EHBP1: variants seen among roughly 807,000 people sequenced by gnomAD.
EHBP1 encodes the protein EH domain-binding protein 1.
In EHBP1, 55 loss-of-function variants were observed where a neutral mutation model predicts 144.0. The ratio of observed to expected loss-of-function variants is 0.38; its 90% CI spans 0.31 to 0.48. The LOEUF (loss-of-function observed/expected upper bound fraction) is 0.48. Ranked by LOEUF, EHBP1 falls within the 20% of genes least tolerant of loss-of-function variation. The pLI, the probability that EHBP1 is intolerant of heterozygous loss-of-function variation, is 0.98. For missense variants in EHBP1, 1,200 were observed against 1,364.2 expected (o/e 0.88, Z 1.90); for synonymous variants, 469 against 472.7 (o/e 0.99, Z 0.10).
chr2:62,777,189 T>G (rs1573293653), intron 5 of EHBP1, among the ~76,000 whole-genome samples: 1 of 152,128 alleles, frequency 6.6e-6, no homozygotes, highest in East Asian at 1.9e-4. Flanking sequence ...CTAGGCTGTT[T>G]TGAACCGCTG....
At chr2:62,754,033 C>T (rs959300078) in intron 3 of EHBP1, among the ~76,000 whole-genome samples, 5 of 152,274 alleles carry the variant, frequency 3.3e-5, no homozygotes, top group South Asian at 2.1e-4. Context: ...TCGTTGCTGG[C>T]GAGGAGCTCC....
At chr2:62,967,028 C>G (rs1282701479) in intron 14 of EHBP1, among the ~76,000 whole-genome samples, 2 of 152,186 alleles carry the variant, frequency 1.3e-5, no homozygotes, top group African/African-American at 4.8e-5. Context: ...TCAGTAAGCA[C>G]ATGCAGAATC....
chr2:62,748,962 C>T (rs1011530104), intron 3 of EHBP1, among the ~76,000 whole-genome samples: 1 of 151,992 alleles, frequency 6.6e-6, no homozygotes, highest in Non-Finnish European at 1.5e-5. Flanking sequence ...TGTAAAGATA[C>T]AGACTGTTTT....
chr2:62,815,011 A>G (rs1311001076), intron 5 of EHBP1, among the ~76,000 whole-genome samples: 1 of 152,240 alleles, frequency 6.6e-6, no homozygotes, highest in African/African-American at 2.4e-5. Context: ...AATGGCACTT[A>G]TAGAAGCAAT....
chr2:62,829,408 C>T (rs185134642), intron 6 of EHBP1, among the ~76,000 whole-genome samples: 12 of 151,858 alleles, frequency 7.9e-5, no homozygotes, highest in African/African-American at 2.9e-4. Context: ...TACTCTTAGG[C>T]CTTTGCATCC....
In EHBP1 at chr2:62,948,304, A is replaced by G. The variant is rs1462845561; in HGVS notation, c.1458A>G (p.Glu486=). Reference sequence around the variant, plus strand: ...GCATAGGAATTTCCCGATTATTGGAACCTTCTGATATGGTATTATTAGCAA... The same window carrying G: ...GCATAGGAATTTCCCGATTATTGGAGCCTTCTGATATGGTATTATTAGCAA... ...FASIGISRLL[E]PSDMVLLAIP... is the part of the protein sequence containing the mutation. Residue 486 remains glutamate (E), a synonymous_variant, in exon 13 of 23, where the codon GAA becomes GAG. Coordinates refer to ENST00000431489, the MANE Select transcript of EHBP1 (RefSeq NM_001142616.3). 5 of 1,591,250 alleles carry G rather than the reference A, an allele frequency of 3.1e-6. No homozygotes were observed. Among genetic ancestry groups the G allele is most frequent in the Non-Finnish European group, 4.3e-6 (5 of 1,169,260 alleles).
At chr2:62,942,995 ATTTGT>A in intron 11 of EHBP1, 99 bp downstream of exon 11, 2 of 889,820 alleles carry the variant, frequency 2.2e-6, no homozygotes, top group Non-Finnish European at 3.3e-6. Flanking sequence ...AATAATTTAT[ATTTGT>A]TTTATTACCC....
intron 5 of EHBP1, among the ~76,000 whole-genome samples, chr2:62,812,540 A>G (rs1247858046): frequency 1.3e-5 from 2 of 152,150 alleles, no homozygotes. Context: ...TGTGATTAGG[A>G]TGCCAGTAGA....
Position 62,826,069 on chromosome 2 carries a change from T to C in EHBP1, c.313-18T>C. On this transcript the variant is annotated intron_variant, in intron 5 of 22. Coordinates refer to ENST00000431489, the MANE Select transcript of EHBP1 (RefSeq NM_001142616.3). ...AATAACTCAAAATTACATACTTTTT[T>C]TTTCTTTAATCTTCCAGGAATCCCC... The C allele has an allele frequency of 7.0e-7, 1 of 1,434,320 alleles. No homozygotes were observed. The highest frequency in any genetic ancestry group is 9.2e-7 in the Non-Finnish European group (1 of 1,088,150). The allele number at this position is 1,434,320 out of a possible 1,614,324, so 88.8% of individuals were successfully genotyped here. A position where few individuals can be genotyped will look rare whatever the true frequency, so the allele number is the denominator to read the frequency against.
intron 3 of EHBP1, among the ~76,000 whole-genome samples, chr2:62,749,334 C>T (rs2039455806): frequency 6.6e-6 from 1 of 152,214 alleles, no homozygotes; most frequent in South Asian, 2.1e-4. Context: ...TTTATGGCCG[C>T]ATAGTATTCC....
At chr2:62,997,856 A>G (rs1386324670) in intron 19 of EHBP1, among the ~76,000 whole-genome samples, 1 of 152,146 alleles carries the variant, frequency 6.6e-6, no homozygotes, top group Non-Finnish European at 1.5e-5. Context: ...GAAGTCCTAA[A>G]TCATCTTCAG....
intron 15 of EHBP1, among the ~76,000 whole-genome samples, chr2:62,981,594 T>A (rs1486026238): frequency 1.3e-5 from 2 of 152,208 alleles, no homozygotes; most frequent in Non-Finnish European, 1.5e-5. Context: ...ATCTTTATAA[T>A]CCAACTACAC....
intron 2 of EHBP1, among the ~76,000 whole-genome samples, chr2:62,742,054 A>G (rs139084097): frequency 1.1e-4 from 16 of 152,252 alleles, no homozygotes; most frequent in African/African-American, 3.6e-4. Flanking sequence ...AAAATTACCT[A>G]CAGTATTCAA....
intron 2 of EHBP1, among the ~76,000 whole-genome samples, chr2:62,731,903 A>G (rs2037636077): frequency 6.6e-6 from 1 of 152,130 alleles, no homozygotes; most frequent in African/African-American, 2.4e-5. Context: ...AGGGAAGTCT[A>G]TTGGTGATAA....
intron 2 of EHBP1, among the ~76,000 whole-genome samples, chr2:62,711,075 A>C (rs750405834): frequency 6.6e-6 from 1 of 152,220 alleles, no homozygotes; most frequent in Non-Finnish European, 1.5e-5. Context: ...AAGCAGGGAT[A>C]CCAGCTAATA....
chr2:63,009,143 A>G (rs192102884), intron 19 of EHBP1, among the ~76,000 whole-genome samples: 5 of 151,796 alleles, frequency 3.3e-5, no homozygotes, highest in African/African-American at 7.2e-5. Flanking sequence ...GGGGAAATCA[A>G]TTTTATAGGA....
At chr2:62,851,326 C>T (rs993153206) in intron 7 of EHBP1, among the ~76,000 whole-genome samples, 1 of 152,146 alleles carries the variant, frequency 6.6e-6, no homozygotes, top group Non-Finnish European at 1.5e-5. Context: ...GCATCTTAAA[C>T]TCCAATTTGC....
At chr2:62,954,980 TTGTTA>T (rs1437716350) in intron 13 of EHBP1, among the ~76,000 whole-genome samples, 2 of 152,108 alleles carry the variant, frequency 1.3e-5, no homozygotes, top group South Asian at 2.1e-4. Context: ...TTCAATTGTT[TTGTTA>T]TAAGGATAGT....
At chr2:62,939,746 C>A (rs555186800) in intron 10 of EHBP1, among the ~76,000 whole-genome samples, 2 of 151,748 alleles carry the variant, frequency 1.3e-5, no homozygotes, top group African/African-American at 4.8e-5. Context: ...TGAGAGAGTA[C>A]CAGGGAAATG....
Sources: gnomAD v4.1 joint callset for allele counts (sites outside exome capture counted in the v4.1 genomes callset) on GRCh38, gnomAD v4.1.1 for gene constraint, MANE v1.5 for transcripts, NCBI Gene and HGNC (gene_info 2026-07-23, HGNC 2026-07-21) for gene names.